Variants in ARHGAP26 observed in about 807,000 individuals in gnomAD.
The protein encoded by ARHGAP26 is Rho GTPase activating protein 26.
ARHGAP26 carries 38 observed loss-of-function variants against 104.8 expected under a neutral mutation model. The observed-to-expected ratio is 0.36, with a 90% CI of 0.28 to 0.48. ARHGAP26 has a LOEUF of 0.48. Ranked by LOEUF, ARHGAP26 falls within the 20% of genes least tolerant of loss-of-function variation. The probability of loss-of-function intolerance (pLI) is 0.99; values close to 1 mark genes in which losing one functional copy is unlikely to be tolerated. For missense variants in ARHGAP26, 704 were observed against 947.9 expected (o/e 0.74, Z 3.38); for synonymous variants, 341 against 340.0 (o/e 1.00, Z -0.03).
At chr5:142,839,425 C>A (rs182904936) in intron 1 of ARHGAP26, among the ~76,000 whole-genome samples, 2 of 152,040 alleles carry the variant, frequency 1.3e-5, no homozygotes, top group East Asian at 3.9e-4. Context: ...GGTCATATAA[C>A]TTGCCCAAGG....
At chr5:142,862,784 G>A (rs1445096620) in intron 1 of ARHGAP26, among the ~76,000 whole-genome samples, 1 of 152,176 alleles carries the variant, frequency 6.6e-6, no homozygotes, top group African/African-American at 2.4e-5. Flanking sequence ...AGAAGGTCTG[G>A]CTTTCACTGT....
chr5:143,054,884 A>G (rs938609478), intron 15 of ARHGAP26, among the ~76,000 whole-genome samples: 2 of 152,274 alleles, frequency 1.3e-5, no homozygotes, highest in Non-Finnish European at 2.9e-5. Context: ...GCATGATTAC[A>G]TACCTCATGT....
intron 1 of ARHGAP26, among the ~76,000 whole-genome samples, chr5:142,788,335 C>T (rs1379537968): frequency 1.3e-5 from 2 of 152,086 alleles, no homozygotes; most frequent in African/African-American, 4.8e-5. Context: ...GCTCCCATTT[C>T]TCTGCTTGCT....
chr5:143,168,277 GC>G (rs1223638649), intron 20 of ARHGAP26, among the ~76,000 whole-genome samples: 2 of 152,062 alleles, frequency 1.3e-5, no homozygotes, highest in African/African-American at 4.8e-5. Context: ...AGACACTAAA[GC>G]TGGGGAAGCC....
At chr5:142,992,719 C>T (rs952731541) in intron 11 of ARHGAP26, among the ~76,000 whole-genome samples, 1 of 152,154 alleles carries the variant, frequency 6.6e-6, no homozygotes, top group African/African-American at 2.4e-5. Flanking sequence ...AGTCACCACG[C>T]CTGGCCAGTA....
At chr5:142,931,971 A>T in intron 10 of ARHGAP26, 76 bp from the exon 11 acceptor site, 1 of 1,340,246 alleles carries the variant, frequency 7.5e-7, no homozygotes, top group Non-Finnish European at 1.1e-6. Flanking sequence ...TTTTGAGTGG[A>T]TGTTTAAGAT....
At chr5:143,087,185 C>T (rs1332256271) in intron 17 of ARHGAP26, among the ~76,000 whole-genome samples, 1 of 152,196 alleles carries the variant, frequency 6.6e-6, no homozygotes, top group African/African-American at 2.4e-5. Context: ...CCTGCTGAGG[C>T]ATCAAGACAT....
chr5:142,984,795 C>G (rs1338291686), intron 11 of ARHGAP26, among the ~76,000 whole-genome samples: 1 of 152,118 alleles, frequency 6.6e-6, no homozygotes, highest in Admixed American at 6.5e-5. Context: ...AACAAACCTA[C>G]CATGCTCTCA....
chr5:143,046,241 T>C (rs773674015), intron 14 of ARHGAP26, among the ~76,000 whole-genome samples: 1 of 152,040 alleles, frequency 6.6e-6, no homozygotes, highest in Non-Finnish European at 1.5e-5. Flanking sequence ...GAAGCGGAGG[T>C]TGCAGTGAGC....
chr5:143,087,472 A>G (rs924581445), intron 17 of ARHGAP26, among the ~76,000 whole-genome samples: 5 of 151,996 alleles, frequency 3.3e-5, no homozygotes, highest in African/African-American at 9.7e-5. Flanking sequence ...CAAATTTAGT[A>G]TATGCCAGCC....
At chr5:143,208,779 G>A (rs905155675) in intron 21 of ARHGAP26, among the ~76,000 whole-genome samples, 25 of 152,126 alleles carry the variant, frequency 1.6e-4, no homozygotes, top group African/African-American at 5.6e-4. Flanking sequence ...TTTCTACCTG[G>A]CTTTGTCCTG....
chr5:142,852,368 C>T (rs536521417), intron 1 of ARHGAP26, among the ~76,000 whole-genome samples: 66 of 152,360 alleles, frequency 4.3e-4, no homozygotes, highest in African/African-American at 1.2e-3. Flanking sequence ...ACAGGCATTG[C>T]TGAGTTCTTT....
chr5:143,202,608 C>T (rs112471095), intron 20 of ARHGAP26: 108 of 152,122 alleles, frequency 7.1e-4, no homozygotes, highest in African/African-American at 2.4e-3. Context: ...AAAAAGAGCC[C>T]GTATAGCCAA....
intron 20 of ARHGAP26, among the ~76,000 whole-genome samples, chr5:143,167,873 A>G (rs1421593549): frequency 4.6e-5 from 7 of 152,192 alleles, no homozygotes; most frequent in African/African-American, 1.7e-4. Context: ...TCTCTCTGCC[A>G]TTCAACAGAT....
chr5:143,195,526 C>T (rs7725825), intron 20 of ARHGAP26, among the ~76,000 whole-genome samples: 3,377 of 152,278 alleles, frequency 0.022, 145 homozygotes, highest in African/African-American at 0.077. Context: ...GCAGCTTACT[C>T]AGAATGCTAC....
At chr5:142,790,047 G>A (rs777793833) in intron 1 of ARHGAP26, among the ~76,000 whole-genome samples, 2 of 152,206 alleles carry the variant, frequency 1.3e-5, no homozygotes, top group African/African-American at 2.4e-5. Context: ...TACTCTAGCT[G>A]TATGGTAGGC....
intron 21 of ARHGAP26, among the ~76,000 whole-genome samples, chr5:143,213,204 G>A (rs772306642): frequency 3.6e-4 from 55 of 152,152 alleles, no homozygotes; most frequent in Admixed American, 2.1e-3. Context: ...GTAGAACCTA[G>A]ACATCTGCAT....
At chr5:143,114,803 C>T (rs740574) in intron 17 of ARHGAP26, among the ~76,000 whole-genome samples, 118,519 of 152,096 alleles carry the variant, frequency 0.78, 49,309 homozygotes, top group Non-Finnish European at 0.92. Flanking sequence ...TGGGATTGAC[C>T]GTGACGTATC....
chr5:142,966,190 T>C (rs1771294663), intron 11 of ARHGAP26, among the ~76,000 whole-genome samples: 1 of 152,282 alleles, frequency 6.6e-6, no homozygotes, highest in Non-Finnish European at 1.5e-5. Flanking sequence ...AGGAAAACTC[T>C]CCTAATCGCA....
Sources: allele counts gnomAD v4.1 joint callset (sites outside exome capture counted in the v4.1 genomes callset), GRCh38; gene constraint gnomAD v4.1.1; transcripts MANE v1.5; gene names NCBI Gene and HGNC (gene_info 2026-07-23, HGNC 2026-07-21).